CMSS1: variants seen among roughly 807,000 people sequenced by gnomAD.
CMSS1 encodes cms1 ribosomal small subunit homolog.
In CMSS1, 33 loss-of-function variants were observed where a neutral mutation model predicts 43.5. That is an observed-to-expected ratio of 0.76 (90% CI 0.57 to 1.01). The LOEUF (loss-of-function observed/expected upper bound fraction) is 1.01, where lower values mean the gene tolerates loss of function less well. Among genes scored for constraint, CMSS1 ranks in the 50% least tolerant of loss-of-function variants. The probability of loss-of-function intolerance (pLI) is 0.00; values close to 1 mark genes in which losing one functional copy is unlikely to be tolerated. For missense variants in CMSS1, 313 were observed against 326.4 expected (o/e 0.96, Z 0.32); for synonymous variants, 115 against 117.2 (o/e 0.98, Z 0.12).
chr3:99,917,754 G>A lies in CMSS1; in HGVS notation c.64+99711G>A, dbSNP rs150472394. Reference sequence around the variant, plus strand: ...ATATGTGGAAGCAGTAGGGTATACCGAAATCTAGATGTCCTTTAAGAATGG... The same window carrying A: ...ATATGTGGAAGCAGTAGGGTATACCAAAATCTAGATGTCCTTTAAGAATGG... On this transcript the variant is annotated intron_variant, in intron 1 of 9. Transcript: ENST00000421999. Among the ~76,000 whole-genome samples, 217 of 152,280 alleles carry A rather than the reference G, an allele frequency of 1.4e-3. 1 individual carries two copies. The highest frequency in any genetic ancestry group is 4.9e-3 in the African/African-American group (204 of 41,568).
At chr3:99,982,700 G>A (rs529628250) in intron 1 of CMSS1, among the ~76,000 whole-genome samples, 1 of 152,150 alleles carries the variant, frequency 6.6e-6, no homozygotes, top group South Asian at 2.1e-4. Context: ...AATCATGGAA[G>A]TAACCAGACC....
chr3:99,942,146 G>A (rs1180314912), intron 1 of CMSS1, among the ~76,000 whole-genome samples: 1 of 151,600 alleles, frequency 6.6e-6, no homozygotes, highest in Non-Finnish European at 1.5e-5. Flanking sequence ...GCTTTGTAGT[G>A]AGCCGAGATC....
intron 1 of CMSS1, among the ~76,000 whole-genome samples, chr3:100,032,310 GTTATTTTGA>G (rs2065035232): frequency 1.3e-5 from 2 of 152,174 alleles, no homozygotes; most frequent in African/African-American, 4.8e-5. Flanking sequence ...TTCCAGATTG[GTTATTTTGA>G]TTTACTCTCT....
chr3:100,135,479 TG>T (rs2066745701), intron 1 of CMSS1, among the ~76,000 whole-genome samples: 2 of 150,258 alleles, frequency 1.3e-5, no homozygotes, highest in Non-Finnish European at 3.0e-5. Context: ...TGTGTGTGTG[TG>T]TGTGTGTGTG....
At chr3:100,092,229 G>T (rs1456380858) in intron 1 of CMSS1, among the ~76,000 whole-genome samples, 2 of 152,116 alleles carry the variant, frequency 1.3e-5, no homozygotes, top group Non-Finnish European at 2.9e-5. Context: ...TTCTATAACA[G>T]TATTAAATAA....
intron 1 of CMSS1, among the ~76,000 whole-genome samples, chr3:99,982,569 C>T (rs751937944): frequency 1.3e-5 from 2 of 152,098 alleles, no homozygotes; most frequent in Non-Finnish European, 2.9e-5. Flanking sequence ...GTCTTTCACC[C>T]CTGGGCTCAA....
At chr3:99,892,780 G>C (rs929843955) in intron 1 of CMSS1, among the ~76,000 whole-genome samples, 1 of 152,196 alleles carries the variant, frequency 6.6e-6, no homozygotes, top group Non-Finnish European at 1.5e-5. Flanking sequence ...CTGCCAAAGG[G>C]AAAGAGAATG....
chr3:99,916,437 TACACAC>T (rs10529210), intron 1 of CMSS1, among the ~76,000 whole-genome samples: 4,642 of 137,114 alleles, frequency 0.034, 135 homozygotes, highest in African/African-American at 0.083. Flanking sequence ...TAACGGTTTA[TACACAC>T]ACACACACAC....
intron 1 of CMSS1, chr3:100,040,839 A>G (rs1396121366): frequency 1.3e-5 from 2 of 152,158 alleles, no homozygotes; most frequent in Non-Finnish European, 2.9e-5. Context: ...CAAAGGGAGA[A>G]ACTTTGTCAG....
chr3:100,116,208 T>G (rs993261875), intron 1 of CMSS1, among the ~76,000 whole-genome samples: 7 of 152,178 alleles, frequency 4.6e-5, no homozygotes, highest in African/African-American at 1.7e-4. Context: ...TAATAAATAT[T>G]TTGTGGGGAG....
At chr3:99,866,469 T>C (rs548301094) in intron 1 of CMSS1, among the ~76,000 whole-genome samples, 2 of 152,278 alleles carry the variant, frequency 1.3e-5, no homozygotes, top group African/African-American at 4.8e-5. Context: ...CAGTTTGCCA[T>C]AGAAACAGGA....
intron 1 of CMSS1, among the ~76,000 whole-genome samples, chr3:99,929,419 C>T (rs1707400869): frequency 1.3e-5 from 2 of 152,160 alleles, no homozygotes. Flanking sequence ...TTCAAAATTT[C>T]TATGACATAA....
chr3:100,015,199 C>T (rs1259098415), intron 1 of CMSS1, among the ~76,000 whole-genome samples: 2 of 151,908 alleles, frequency 1.3e-5, no homozygotes, highest in East Asian at 3.9e-4. Context: ...GATCATTTGA[C>T]CCTAAAGATG....
intron 1 of CMSS1, among the ~76,000 whole-genome samples, chr3:99,829,413 G>A (rs567078728): frequency 6.3e-4 from 96 of 152,084 alleles, no homozygotes; most frequent in Non-Finnish European, 1.2e-3. Flanking sequence ...TTCTGCCAGG[G>A]GACTGTGTCT....
intron 1 of CMSS1, among the ~76,000 whole-genome samples, chr3:99,935,079 A>G (rs950578603): frequency 2.6e-5 from 4 of 152,204 alleles, no homozygotes; most frequent in African/African-American, 7.2e-5. Flanking sequence ...GTAATGAGAA[A>G]TAATTAAGTA....
chr3:99,908,477 T>C (rs1055383181), intron 1 of CMSS1, among the ~76,000 whole-genome samples: 1 of 152,198 alleles, frequency 6.6e-6, no homozygotes, highest in Non-Finnish European at 1.5e-5. Flanking sequence ...CAGGAATCTA[T>C]ACTTTTAAGT....
At chr3:99,919,651 A>T (rs1014784147) in intron 1 of CMSS1, among the ~76,000 whole-genome samples, 2 of 152,040 alleles carry the variant, frequency 1.3e-5, no homozygotes, top group Non-Finnish European at 2.9e-5. Context: ...TGATTTACTC[A>T]GTTAACAGTA....
At chr3:100,061,080 A>G (rs1035941112) in intron 1 of CMSS1, among the ~76,000 whole-genome samples, 3 of 152,106 alleles carry the variant, frequency 2.0e-5, no homozygotes, top group Non-Finnish European at 2.9e-5. Context: ...TGGCCAATAG[A>G]TGTGCACATA....
intron 1 of CMSS1, among the ~76,000 whole-genome samples, chr3:100,019,862 G>A (rs1196344395): frequency 6.6e-6 from 1 of 152,038 alleles, no homozygotes; most frequent in Admixed American, 6.6e-5. Flanking sequence ...GGCATGTATG[G>A]AAGAGAATTC....
Sources: gnomAD v4.1 joint callset for allele counts (sites outside exome capture counted in the v4.1 genomes callset) on GRCh38, gnomAD v4.1.1 for gene constraint, MANE v1.5 for transcripts, NCBI Gene and HGNC (gene_info 2026-07-23, HGNC 2026-07-21) for gene names.